The following SCN11A variants were observed in gnomAD, a reference collection of about 807,000 sequenced individuals.
The protein encoded by SCN11A is sodium voltage-gated channel alpha subunit 11.
In SCN11A, 122 loss-of-function variants were observed where a neutral mutation model predicts 162.2. That is an observed-to-expected ratio of 0.75 (90% CI 0.65 to 0.87). SCN11A has a LOEUF of 0.87. Ranked by LOEUF, SCN11A falls within the 40% of genes least tolerant of loss-of-function variation. The pLI is 0.00. For synonymous variants in SCN11A, 758 were observed against 751.5 expected (o/e 1.01, Z -0.14); for missense variants, 2,015 against 2,181.6 (o/e 0.92, Z 1.52).
At chr3:38,963,341 T>C (rs1354899181) in intron 2 of SCN11A, among the ~76,000 whole-genome samples, 2 of 131,168 alleles carry the variant, frequency 1.5e-5, no homozygotes, top group Admixed American at 8.1e-5. Context: ...AGAAACTATA[T>C]CTATTTGATG....
rs2126096724 is a variant in SCN11A at position 38,872,274 on chromosome 3, A to T, written c.3414T>A (p.Ile1138=). Residue 1138 remains isoleucine, a synonymous_variant, in exon 24 of 30, where the codon ATT becomes ATA. Coordinates refer to ENST00000302328, the MANE Select transcript of SCN11A (RefSeq NM_001349253.2). ...IIVIVSVTTL[I]NLMELKSFRT... ...GGAAGGACTTCAATTCCATTAAGTT[A>T]ATGAGGGTGGTCACAGAGACCTGAT... The T allele has an allele frequency of 6.2e-7, 1 of 1,604,810 alleles. No homozygotes were observed. Among genetic ancestry groups the T allele is most frequent in the East Asian group, 2.2e-5 (1 of 44,852 alleles).
rs145361285 is a variant in SCN11A at position 39,038,609 on chromosome 3, A to G, written c.-403-6106T>C. On this transcript the variant is annotated intron_variant, in intron 1 of 29. Coordinates refer to ENST00000302328, the MANE Select transcript of SCN11A (RefSeq NM_001349253.2). ...CACTCACACTGTCACTCTCCAAGGA[A>G]GTCAATCCAATGTGTCATCAGTTAC... Among the ~76,000 whole-genome samples, 545 of 152,328 alleles carry G rather than the reference A, an allele frequency of 3.6e-3. 9 individuals carry two copies. Among genetic ancestry groups the G allele is most frequent in the African/African-American group, 0.013 (522 of 41,594 alleles).
intron 1 of SCN11A, among the ~76,000 whole-genome samples, chr3:39,037,393 T>G (rs909799015): frequency 1.3e-5 from 2 of 152,092 alleles, no homozygotes; most frequent in Non-Finnish European, 2.9e-5. Context: ...TTAGATAGAA[T>G]GAATAAAACC....
At chr3:38,871,817 G>C in intron 24 of SCN11A, 109 bp from the exon 25 acceptor site, 1 of 897,016 alleles carries the variant, frequency 1.1e-6, no homozygotes, top group Non-Finnish European at 1.7e-6. Context: ...TTGGAGCTCT[G>C]TCCTTAATCT....
At chr3:38,897,849 G>A (rs527471351) in intron 17 of SCN11A, among the ~76,000 whole-genome samples, 16 of 152,196 alleles carry the variant, frequency 1.1e-4, no homozygotes, top group African/African-American at 3.1e-4. Flanking sequence ...TATACCAAGC[G>A]TCAGCGAACT....
chr3:38,921,275 T>G lies in SCN11A; in HGVS notation c.713-20A>C, dbSNP rs1364462272. On this transcript the variant is annotated intron_variant, in intron 9 of 29. Coordinates refer to ENST00000302328, the MANE Select transcript of SCN11A (RefSeq NM_001349253.2). ...TCAGACCTGAGAAAGAGGACAGGCT[T>G]GGGGAGAAGCCCATCCCCCTCAGCC... 6.2e-7 allele frequency: 1 copy of G among 1,610,100 alleles called. No homozygotes were observed. Among genetic ancestry groups the G allele is most frequent in the Admixed American group, 1.7e-5 (1 of 59,868 alleles).
chr3:38,870,780 T>C, intron 25 of SCN11A, 36 bp from the exon 26 acceptor site: 1 of 1,587,162 alleles, frequency 6.3e-7, no homozygotes. Flanking sequence ...ATAATACAAA[T>C]GTAGACTTGC....
At position 38,904,039 on chromosome 3, in the gene SCN11A, C is replaced by T. The variant is rs754952176; in HGVS notation, c.1668G>A (p.Val556=). 1 of 1,607,242 alleles carries T rather than the reference C, an allele frequency of 6.2e-7. No homozygotes were observed. Among genetic ancestry groups the T allele is most frequent in the South Asian group, 1.1e-5 (1 of 89,106 alleles). The part of the protein sequence containing the change: ...CGENLASKYL[V]WNCCPQWLCV... The stretch of plus-strand genomic sequence containing the variant: ...ACAGCCACTGGGGGCAACAGTTCCA[C>T]ACGAGGTACTTGGATGCCAGGTTTT... Residue 556 remains valine (V), a synonymous_variant, in exon 16 of 30, where the codon GTG becomes GTA. Transcript: ENST00000302328.
At chr3:38,899,195 A>T (rs2065655022) in intron 17 of SCN11A, among the ~76,000 whole-genome samples, 1 of 152,112 alleles carries the variant, frequency 6.6e-6, no homozygotes. Context: ...ATTTCTCTGT[A>T]GTCCTCTGTC....
At chr3:38,926,279 C>T (rs189998029) in intron 8 of SCN11A, among the ~76,000 whole-genome samples, 1 of 152,268 alleles carries the variant, frequency 6.6e-6, no homozygotes, top group East Asian at 1.9e-4. Flanking sequence ...GCCAAAACTA[C>T]AGAACTTCTA....
chr3:39,022,210 C>T (rs1306109022), intron 2 of SCN11A, among the ~76,000 whole-genome samples: 2 of 152,170 alleles, frequency 1.3e-5, no homozygotes, highest in Non-Finnish European at 2.9e-5. Flanking sequence ...ATGTTTTGTC[C>T]CTGGGACTCA....
chr3:39,012,094 G>A (rs145863485), intron 2 of SCN11A, among the ~76,000 whole-genome samples: 12,546 of 152,202 alleles, frequency 0.082, 733 homozygotes, highest in African/African-American at 0.16. Flanking sequence ...GGGAGGCCAA[G>A]GCGGGCAGAT....
At chr3:38,998,942 G>A (rs1300852224) in intron 2 of SCN11A, among the ~76,000 whole-genome samples, 1 of 151,358 alleles carries the variant, frequency 6.6e-6, no homozygotes, top group Non-Finnish European at 1.5e-5. Context: ...AGCATTAGGA[G>A]ATATACCTAA....
chr3:38,966,960 G>A (rs1418038045), intron 2 of SCN11A, among the ~76,000 whole-genome samples: 1 of 152,176 alleles, frequency 6.6e-6, no homozygotes, highest in Admixed American at 6.5e-5. Flanking sequence ...AGTGATCTCA[G>A]GAAACAGGAT....
At position 39,007,239 on chromosome 3, in the gene SCN11A, A is replaced by T. The variant is rs536746180; in HGVS notation, c.-280+25141T>A. Among the ~76,000 whole-genome samples, 110 of 152,328 alleles carry T rather than the reference A, an allele frequency of 7.2e-4. 2 individuals carry two copies. The highest frequency in any genetic ancestry group is 2.6e-3 in the African/African-American group (109 of 41,576). Reference sequence around the variant, plus strand: ...GAGCAACTCAAAGCACTCTAAAAAAATTTTAAACAATTTTTTAAAGAAATG... The same window carrying T: ...GAGCAACTCAAAGCACTCTAAAAAATTTTTAAACAATTTTTTAAAGAAATG... On this transcript the variant is annotated intron_variant, in intron 2 of 29. Coordinates refer to ENST00000302328, the MANE Select transcript of SCN11A (RefSeq NM_001349253.2).
rs144690784 is a variant in SCN11A at position 39,031,409 on chromosome 3, C to G, written c.-280+971G>C. On this transcript the variant is annotated intron_variant, in intron 2 of 29. Coordinates refer to ENST00000302328, the MANE Select transcript of SCN11A (RefSeq NM_001349253.2). ...GGTGTGGTGGCATGTGACTATAATC[C>G]CAGTTACTTGGGAGGCTGAGGCAGG... is the stretch of plus-strand genomic sequence containing the variant. Among the ~76,000 whole-genome samples the G allele has an allele frequency of 1.7e-3, 265 of 151,950 alleles. 2 individuals carry two copies. Among genetic ancestry groups the G allele is most frequent in the East Asian group, 5.0e-3 (26 of 5,178 alleles).
In SCN11A at chr3:38,950,107, G is replaced by T. The variant is rs78812474; in HGVS notation, c.256C>A (p.Arg86=). Residue 86 remains arginine (R), a synonymous_variant, in exon 5 of 30, where the codon CGA becomes AGA. Coordinates refer to ENST00000302328, the MANE Select transcript of SCN11A (RefSeq NM_001349253.2). ...KPLEDLDPFY[R]NHKTFMVLNR... is the part of the protein sequence containing the mutation. ...GCCCAATGAAGTACCTTATGATTTCGGTAGAATGGGTCCAAGTCTTCCAGA... is the reference window on the plus strand; with the variant it reads ...GCCCAATGAAGTACCTTATGATTTCTGTAGAATGGGTCCAAGTCTTCCAGA... 85,103 of 1,518,644 alleles carry T rather than the reference G, an allele frequency of 0.056. 2,520 individuals carry two copies. The highest frequency in any genetic ancestry group is 0.087 in the African/African-American group (5,426 of 62,178). The allele number at this position is 1,518,644 out of a possible 1,614,324, so 94.1% of individuals were successfully genotyped here.
intron 14 of SCN11A, among the ~76,000 whole-genome samples, chr3:38,907,467 T>C (rs2065818770): frequency 6.6e-6 from 1 of 151,702 alleles, no homozygotes; most frequent in African/African-American, 2.4e-5. Context: ...TGCATCTTCA[T>C]TGGTTACCTT....
chr3:38,956,344 A>G (rs2066681663), intron 3 of SCN11A, among the ~76,000 whole-genome samples: 1 of 152,240 alleles, frequency 6.6e-6, no homozygotes. Flanking sequence ...AGAAAATTTT[A>G]TGTAACAAAA....
Sources: gnomAD v4.1 joint callset for allele counts (sites outside exome capture counted in the v4.1 genomes callset) on GRCh38, gnomAD v4.1.1 for gene constraint, MANE v1.5 for transcripts, NCBI Gene and HGNC (gene_info 2026-07-23, HGNC 2026-07-21) for gene names.